The following RANBP17 variants were observed in gnomAD, a reference collection of about 807,000 sequenced individuals.
The protein encoded by RANBP17 is RAN binding protein 17, also known as ran-binding protein 17.
A neutral mutation model predicts 141.2 loss-of-function variants in RANBP17; 158 were observed. The observed-to-expected ratio is 1.12, with a 90% CI of 0.98 to 1.28. The LOEUF (loss-of-function observed/expected upper bound fraction) is 1.28. Ranked by LOEUF, RANBP17 falls within the 50% of genes most tolerant of loss-of-function variation. The pLI is 0.00. For synonymous variants in RANBP17, 430 were observed against 450.0 expected, an observed-to-expected ratio of 0.96 and a Z score of 0.56; for missense variants, 1,438 against 1,290.7, an observed-to-expected ratio of 1.11 and a Z score of -1.75.
chr5:170,977,855 T>G (rs575393239), intron 14 of RANBP17, among the ~76,000 whole-genome samples: 7 of 152,122 alleles, frequency 4.6e-5, no homozygotes, highest in Non-Finnish European at 1.5e-5. Context: ...GGAGATTGGG[T>G]AGTCATGGAC....
At chr5:170,866,824 A>C (rs541330854) in intron 1 of RANBP17, 1 of 152,254 alleles carries the variant, frequency 6.6e-6, no homozygotes, top group East Asian at 1.9e-4. Context: ...ACAGGGCTGA[A>C]AGTATGGACT....
intron 19 of RANBP17, among the ~76,000 whole-genome samples, chr5:171,204,058 T>C (rs2127959310): frequency 6.6e-6 from 1 of 152,080 alleles, no homozygotes; most frequent in South Asian, 2.1e-4. Flanking sequence ...GGCAAAATGT[T>C]TAAAAACAAG....
intron 14 of RANBP17, among the ~76,000 whole-genome samples, chr5:170,995,657 AC>A (rs1778771066): frequency 6.6e-6 from 1 of 152,170 alleles, no homozygotes; most frequent in Non-Finnish European, 1.5e-5. Flanking sequence ...AAACTTGTTT[AC>A]TGAATGTAAA....
intron 25 of RANBP17, among the ~76,000 whole-genome samples, chr5:171,290,776 G>A (rs1404389365): frequency 6.6e-6 from 1 of 152,184 alleles, no homozygotes; most frequent in East Asian, 1.9e-4. Flanking sequence ...ATCTAATCAG[G>A]ACATGAATTG....
chr5:170,924,652 C>G, intron 12 of RANBP17, 102 bp downstream of exon 12: 2 of 733,372 alleles, frequency 2.7e-6, no homozygotes, highest in Admixed American at 2.6e-5. Context: ...TGTATTTTCC[C>G]CAATTCCTGG....
At chr5:170,923,550 G>C (rs78975474) in intron 11 of RANBP17, among the ~76,000 whole-genome samples, 1 of 152,138 alleles carries the variant, frequency 6.6e-6, no homozygotes, top group African/African-American at 2.4e-5. Flanking sequence ...ATTTTGACTG[G>C]GATTGCATTG....
intron 14 of RANBP17, among the ~76,000 whole-genome samples, chr5:171,116,119 G>A (rs1184507793): frequency 6.6e-6 from 1 of 152,148 alleles, no homozygotes; most frequent in Non-Finnish European, 1.5e-5. Flanking sequence ...AGATTTCTTG[G>A]CTTGGTATTA....
At chr5:171,213,509 C>A in intron 20 of RANBP17, 122 bp from the exon 21 acceptor site, 1 of 701,154 alleles carries the variant, frequency 1.4e-6, no homozygotes, top group Admixed American at 2.4e-5. Context: ...AGACATAGAA[C>A]AAATTAGTAT....
intron 14 of RANBP17, among the ~76,000 whole-genome samples, chr5:171,038,108 T>C (rs1371544259): frequency 6.6e-6 from 1 of 152,044 alleles, no homozygotes; most frequent in Non-Finnish European, 1.5e-5. Flanking sequence ...AACAGTGTTT[T>C]GGAATTCTCC....
intron 14 of RANBP17, among the ~76,000 whole-genome samples, chr5:170,971,848 T>A (rs1777012847): frequency 6.6e-6 from 1 of 152,118 alleles, no homozygotes; most frequent in African/African-American, 2.4e-5. Context: ...TTCTCCCCAC[T>A]CCACTCTATT....
At chr5:171,271,489 C>G (rs1413844085) in intron 25 of RANBP17, 2 of 209,754 alleles carry the variant, frequency 9.5e-6, no homozygotes, top group Non-Finnish European at 1.9e-5. Context: ...AAGACTATTA[C>G]AGTCAAAAAC....
At chr5:171,009,686 T>TC (rs34837713) in intron 14 of RANBP17, among the ~76,000 whole-genome samples, 86,817 of 151,888 alleles carry the variant, frequency 0.57, 27,065 homozygotes, top group South Asian at 0.81. Flanking sequence ...AATCAGGACC[T>TC]CAGAATGTAA....
At chr5:170,905,755 G>A (rs970836373) in intron 5 of RANBP17, among the ~76,000 whole-genome samples, 2 of 152,084 alleles carry the variant, frequency 1.3e-5, no homozygotes, top group South Asian at 4.1e-4. Context: ...GAAGAGAATA[G>A]TATGATAACC....
intron 21 of RANBP17, among the ~76,000 whole-genome samples, chr5:171,221,158 G>A (rs1763530408): frequency 2.0e-5 from 3 of 152,184 alleles, no homozygotes; most frequent in Non-Finnish European, 4.4e-5. Flanking sequence ...ACCCCAGTAG[G>A]AACCAGGAAA....
At chr5:170,955,580 GTGTATA>G (rs367736144) in intron 13 of RANBP17, among the ~76,000 whole-genome samples, 19,134 of 39,366 alleles carry the variant, frequency 0.49, 5,617 homozygotes, top group South Asian at 0.7. Context: ...CTCAGTCTGT[GTGTATA>G]TATATATATA....
At chr5:171,149,808 AC>A (rs1221096913) in intron 14 of RANBP17, among the ~76,000 whole-genome samples, 1 of 152,194 alleles carries the variant, frequency 6.6e-6, no homozygotes, top group Non-Finnish European at 1.5e-5. Context: ...ACATTTTTCC[AC>A]CTTTCTAAGA....
intron 14 of RANBP17, among the ~76,000 whole-genome samples, chr5:171,097,843 G>C (rs1036240557): frequency 1.3e-5 from 2 of 151,686 alleles, no homozygotes; most frequent in Non-Finnish European, 2.9e-5. Context: ...GTGTCCATGT[G>C]TTCTCATTTT....
chr5:171,223,699 G>A (rs1173670217), intron 22 of RANBP17, among the ~76,000 whole-genome samples: 1 of 152,116 alleles, frequency 6.6e-6, no homozygotes, highest in East Asian at 1.9e-4. Flanking sequence ...AGGTAAAAAT[G>A]AACCCCTTTA....
chr5:171,133,475 C>T (rs952196117), intron 14 of RANBP17, among the ~76,000 whole-genome samples: 4 of 152,086 alleles, frequency 2.6e-5, no homozygotes, highest in African/African-American at 9.7e-5. Context: ...AGATTGTTTC[C>T]TAATTCTTTA....
Sources: allele counts gnomAD v4.1 joint callset (sites outside exome capture counted in the v4.1 genomes callset), GRCh38; gene constraint gnomAD v4.1.1; transcripts MANE v1.5; gene names NCBI Gene and HGNC (gene_info 2026-07-23, HGNC 2026-07-21).